The following NRIP1 variants were observed in gnomAD, a reference collection of about 807,000 sequenced individuals.
The protein encoded by NRIP1 is nuclear receptor-interacting protein 1.
In NRIP1, 28 loss-of-function variants were observed where a neutral mutation model predicts 75.0. That is an observed-to-expected ratio of 0.37 (90% confidence interval 0.28 to 0.51). The LOEUF (loss-of-function observed/expected upper bound fraction) is 0.51. Among genes scored for constraint, NRIP1 ranks in the 20% least tolerant of loss-of-function variants. The pLI, the probability that NRIP1 is intolerant of heterozygous loss-of-function variation, is 0.92. For missense variants in NRIP1, 1,435 were observed against 1,343.7 expected, an observed-to-expected ratio of 1.07 and a Z score of -1.06; for synonymous variants, 526 against 487.6, an observed-to-expected ratio of 1.08 and a Z score of -1.04.
intron 3 of NRIP1, chr21:14,987,836 G>C: frequency 6.6e-6 from 1 of 152,148 alleles, no homozygotes; most frequent in Non-Finnish European, 1.5e-5. Flanking sequence ...TGTTACCAGG[G>C]CACTAAAGCT....
intron 2 of NRIP1, among the ~76,000 whole-genome samples, chr21:15,041,112 A>G (rs2088942380): frequency 6.6e-6 from 1 of 152,150 alleles, no homozygotes; most frequent in African/African-American, 2.4e-5. Context: ...GTCCACTTAC[A>G]GTGGAATGGA....
In NRIP1 at chr21:15,058,360, CAT is replaced by C. The variant is rs1568738701; in HGVS notation, c.-538+6383_-538+6384del. 3.3e-5 allele frequency among the ~76,000 whole-genome samples: 5 copies of C among 152,306 alleles called. No homozygotes were observed. In the South Asian group the frequency reaches 8.3e-4, roughly 25 times the overall value. On this transcript the variant is annotated intron_variant, in intron 1 of 3. Coordinates refer to ENST00000318948, the MANE Select transcript of NRIP1 (RefSeq NM_003489.4). Reference sequence around the variant, plus strand: ...TTTATTTCCCATTTGGAGAGTTTCACATGTTTCCAAACATATTTTCTTGATGT... The same window carrying C: ...TTTATTTCCCATTTGGAGAGTTTCACGTTTCCAAACATATTTTCTTGATGT...
chr21:14,978,947 C>G (rs9985141), intron 3 of NRIP1, among the ~76,000 whole-genome samples: 5,661 of 152,218 alleles, frequency 0.037, 316 homozygotes, highest in African/African-American at 0.12. Flanking sequence ...CTTGAAAATA[C>G]TGACACTGGA....
At chr21:15,062,876 TAAAATTAGCA>T (rs1978434268) in intron 1 of NRIP1, among the ~76,000 whole-genome samples, 1 of 152,206 alleles carries the variant, frequency 6.6e-6, no homozygotes, top group Non-Finnish European at 1.5e-5. Context: ...TTTAGGGTGT[TAAAATTAGCA>T]AAATCCAAGT....
chr21:15,047,465 A>G (rs571486937), intron 1 of NRIP1, among the ~76,000 whole-genome samples: 104 of 152,302 alleles, frequency 6.8e-4, no homozygotes, highest in Admixed American at 5.7e-3. Context: ...GCGTGAACCC[A>G]GGAGGCGGAG....
intron 2 of NRIP1, among the ~76,000 whole-genome samples, chr21:15,040,639 T>G (rs1015432865): frequency 2.0e-5 from 3 of 152,074 alleles, no homozygotes; most frequent in African/African-American, 7.2e-5. Context: ...CCTGATTTGC[T>G]TCAAAATCCA....
rs535915634 is a variant in NRIP1, at chr21:15,017,396, A to T, written c.-457-2930T>A. ...TTAATGAACTGGTCATTATCTGTTG[A>T]TGACACCATGAGGAATCCTTACAGC... On this transcript the variant is annotated intron_variant, in intron 2 of 3. Transcript: ENST00000318948. 1.2e-3 allele frequency among the ~76,000 whole-genome samples: 189 copies of T among 152,288 alleles called. 8 individuals are homozygous for T. Among genetic ancestry groups the T allele is most frequent in the Admixed American group, 0.012 (186 of 15,298 alleles).
At chr21:15,038,347 A>T (rs2088879611) in intron 2 of NRIP1, among the ~76,000 whole-genome samples, 1 of 152,104 alleles carries the variant, frequency 6.6e-6, no homozygotes, top group Non-Finnish European at 1.5e-5. Flanking sequence ...ATAAAATGAA[A>T]GCCAAACTAT....
intron 3 of NRIP1, among the ~76,000 whole-genome samples, chr21:14,983,150 T>A (rs1470544226): frequency 6.6e-6 from 1 of 151,758 alleles, no homozygotes; most frequent in East Asian, 1.9e-4. Context: ...TGAGGAAGGA[T>A]GTTGAAAGCC....
chr21:15,022,297 C>CA (rs2088396107), intron 2 of NRIP1, among the ~76,000 whole-genome samples: 2 of 152,278 alleles, frequency 1.3e-5, no homozygotes, highest in African/African-American at 4.8e-5. Context: ...GAAAACCAAG[C>CA]ACTGTATGTT....
At chr21:15,000,542 T>G (rs2032480616) in intron 3 of NRIP1, among the ~76,000 whole-genome samples, 1 of 152,228 alleles carries the variant, frequency 6.6e-6, no homozygotes, top group Admixed American at 6.5e-5. Flanking sequence ...CCATCTTACT[T>G]GGCTAATTAT....
intron 1 of NRIP1, among the ~76,000 whole-genome samples, chr21:15,049,900 G>T (rs1213222695): frequency 1.3e-5 from 2 of 152,050 alleles, no homozygotes; most frequent in African/African-American, 4.8e-5. Flanking sequence ...AGAACACACA[G>T]ATGGACATAT....
intron 3 of NRIP1, among the ~76,000 whole-genome samples, chr21:15,007,711 A>C (rs1419789254): frequency 6.6e-6 from 1 of 152,216 alleles, no homozygotes; most frequent in East Asian, 1.9e-4. Flanking sequence ...TCCGACTTAA[A>C]TTATAATGTG....
intron 3 of NRIP1, among the ~76,000 whole-genome samples, chr21:15,011,074 T>C (rs1399829197): frequency 1.3e-5 from 2 of 152,142 alleles, no homozygotes; most frequent in East Asian, 3.8e-4. Context: ...TTACAAAGAG[T>C]TATTTCTTAA....
chr21:14,999,875 T>C (rs1176875698), intron 3 of NRIP1, among the ~76,000 whole-genome samples: 1 of 152,236 alleles, frequency 6.6e-6, no homozygotes, highest in Non-Finnish European at 1.5e-5. Context: ...GTTTTCTCTA[T>C]AGTTTAATGT....
At chr21:14,986,011 ATTT>A (rs918994242) in intron 3 of NRIP1, among the ~76,000 whole-genome samples, 1 of 152,078 alleles carries the variant, frequency 6.6e-6, no homozygotes, top group Admixed American at 6.6e-5. Context: ...TTATTTATTT[ATTT>A]TTTTACAGTA....
intron 3 of NRIP1, among the ~76,000 whole-genome samples, chr21:15,006,072 G>T (rs376265716): frequency 2.0e-5 from 3 of 151,852 alleles, no homozygotes; most frequent in African/African-American, 7.3e-5. Flanking sequence ...CAAACTTCAC[G>T]CATACTGCAT....
chr21:14,996,051 T>C (rs2087714780), intron 3 of NRIP1, among the ~76,000 whole-genome samples: 1 of 152,122 alleles, frequency 6.6e-6, no homozygotes, highest in Admixed American at 6.5e-5. Flanking sequence ...AGAAATGTAA[T>C]GGGAGCCACC....
intron 3 of NRIP1, among the ~76,000 whole-genome samples, chr21:15,012,376 G>GA (rs2088123350): frequency 6.8e-6 from 1 of 147,002 alleles, no homozygotes; most frequent in Non-Finnish European, 1.5e-5. Flanking sequence ...AAGGAATATA[G>GA]AAAATCACTA....
Sources: allele counts gnomAD v4.1 joint callset (sites outside exome capture counted in the v4.1 genomes callset), GRCh38; gene constraint gnomAD v4.1.1; transcripts MANE v1.5; gene names NCBI Gene and HGNC (gene_info 2026-07-23, HGNC 2026-07-21).